Variants in RAB6B observed in about 807,000 individuals in gnomAD.
The protein encoded by RAB6B is ras-related protein Rab-6B.
A neutral mutation model predicts 31.2 loss-of-function variants in RAB6B; 7 were observed. That is an observed-to-expected ratio of 0.22 (90% CI 0.13 to 0.42). The LOEUF (loss-of-function observed/expected upper bound fraction) is 0.42, where lower values mean the gene tolerates loss of function less well. Ranked by LOEUF, RAB6B falls within the 10% of genes least tolerant of loss-of-function variation. The probability of loss-of-function intolerance (pLI) is 1.00; values close to 1 mark genes in which losing one functional copy is unlikely to be tolerated. For synonymous variants in RAB6B, 105 were observed against 104.9 expected, an observed-to-expected ratio of 1.00 and a Z score of -0.01; for missense variants, 149 against 280.6, an observed-to-expected ratio of 0.53 and a Z score of 3.35.
chr3:133,842,737 T>C (rs77482124), intron 2 of RAB6B, among the ~76,000 whole-genome samples: 1 of 152,344 alleles, frequency 6.6e-6, no homozygotes, highest in African/African-American at 2.4e-5. Flanking sequence ...GACACTGAAG[T>C]GAAGGGAATC....
intron 7 of RAB6B, among the ~76,000 whole-genome samples, chr3:133,834,172 A>T (rs1935697179): frequency 6.6e-6 from 1 of 151,510 alleles, no homozygotes; most frequent in Admixed American, 6.6e-5. Context: ...TGAAGGGGGG[A>T]GCTGTCTTGA....
At position 133,826,297 on chromosome 3, in the gene RAB6B, T is replaced by C. The variant is rs1198249884; in HGVS notation, c.*2491A>G. Reference sequence around the variant, plus strand: ...GCCATGTCAAACCAAATGCTATCTTTTACTGCTCCTCTAGGCCAGGATGGA... The same window carrying C: ...GCCATGTCAAACCAAATGCTATCTTCTACTGCTCCTCTAGGCCAGGATGGA... On this transcript the variant is annotated 3_prime_UTR_variant, in exon 8 of 8. Coordinates refer to ENST00000285208, the MANE Select transcript of RAB6B (RefSeq NM_016577.4). The C allele has an allele frequency of 6.6e-6, 1 of 152,240 alleles. No homozygotes were observed. The highest frequency in any genetic ancestry group is 1.5e-5 in the Non-Finnish European group (1 of 68,072). 9.4% of individuals were successfully genotyped at this position (152,240 alleles called of 1,614,324 possible).
intron 1 of RAB6B, among the ~76,000 whole-genome samples, chr3:133,890,948 G>T (rs1936629540): frequency 6.6e-6 from 1 of 152,258 alleles, no homozygotes; most frequent in African/African-American, 2.4e-5. Context: ...CTATGCCATG[G>T]TGTGTGGCCA....
intron 4 of RAB6B, among the ~76,000 whole-genome samples, chr3:133,840,709 C>T (rs567013600): frequency 2.0e-5 from 3 of 152,142 alleles, no homozygotes; most frequent in Non-Finnish European, 4.4e-5. Flanking sequence ...CTCGGCCCCC[C>T]ACCCCCACCT....
intron 2 of RAB6B, among the ~76,000 whole-genome samples, chr3:133,844,858 C>T (rs1056671022): frequency 2.6e-5 from 4 of 151,692 alleles, no homozygotes; most frequent in Non-Finnish European, 5.9e-5. Flanking sequence ...GGAAGAATCG[C>T]TTGAGGCTGG....
chr3:133,841,232 G>A, intron 4 of RAB6B, 53 bp downstream of exon 4: 23 of 1,554,886 alleles, frequency 1.5e-5, no homozygotes, highest in Non-Finnish European at 2.0e-5. Context: ...GGTCACACCT[G>A]GGCCCTGGAC....
chr3:133,889,439 TA>T (rs1936606003), intron 1 of RAB6B, among the ~76,000 whole-genome samples: 18 of 93,108 alleles, frequency 1.9e-4, no homozygotes, highest in African/African-American at 5.7e-4. Context: ...TATATATATA[TA>T]TATATTTATT....
At chr3:133,851,261 G>GTTTGTTTGTTTTAGATAAA (rs1935980216) in intron 2 of RAB6B, among the ~76,000 whole-genome samples, 1 of 152,218 alleles carries the variant, frequency 6.6e-6, no homozygotes, top group Admixed American at 6.5e-5. Flanking sequence ...ATGGGTCAAT[G>GTTTGTTTGTTTTAGATAAA]CAGGACATTG....
At position 133,891,476 on chromosome 3, in the gene RAB6B, G is replaced by A. The variant is rs566592659; in HGVS notation, c.70+3921C>T. On this transcript the variant is annotated intron_variant, in intron 1 of 7. Coordinates refer to ENST00000285208, the MANE Select transcript of RAB6B (RefSeq NM_016577.4). ...CCTACGGAAGCTGCCTCTGACACCA[G>A]CCCCCAGAGGCGGGTCAGGCGCCCC... Among the ~76,000 whole-genome samples, 5 of 152,288 alleles carry A rather than the reference G, an allele frequency of 3.3e-5. No homozygotes were observed. In the East Asian group the frequency reaches 9.6e-4, roughly 29 times the overall value.
intron 3 of RAB6B, 22 bp from the exon 4 acceptor site, chr3:133,841,412 C>T (rs1935828062): frequency 6.2e-7 from 1 of 1,613,212 alleles, no homozygotes; most frequent in Non-Finnish European, 8.5e-7. Context: ...AGGGCAGGAC[C>T]ATGGGCAGAG....
chr3:133,889,528 G>A (rs192449396), intron 1 of RAB6B, among the ~76,000 whole-genome samples: 212 of 150,402 alleles, frequency 1.4e-3, no homozygotes, highest in African/African-American at 5.1e-3. Flanking sequence ...TCCGCCTCCC[G>A]GGTTCAAGCG....
intron 1 of RAB6B, among the ~76,000 whole-genome samples, chr3:133,870,528 C>A (rs1320305489): frequency 6.6e-6 from 1 of 152,118 alleles, no homozygotes; most frequent in Admixed American, 6.5e-5. Flanking sequence ...GGGTACAGGA[C>A]CAGTGACTGG....
chr3:133,852,013 A>C (rs1237913947), intron 2 of RAB6B, among the ~76,000 whole-genome samples: 2 of 117,198 alleles, frequency 1.7e-5, no homozygotes, highest in Admixed American at 1.7e-4. Context: ...GGAGAGCCAC[A>C]AAGTTAGATC....
At chr3:133,831,667 T>C (rs996465504) in intron 7 of RAB6B, among the ~76,000 whole-genome samples, 1 of 152,164 alleles carries the variant, frequency 6.6e-6, no homozygotes, top group African/African-American at 2.4e-5. Context: ...GTCTAAATAA[T>C]GTCCCAGAAG....
At chr3:133,836,473 T>G (rs1292582030) in intron 6 of RAB6B, among the ~76,000 whole-genome samples, 1 of 151,934 alleles carries the variant, frequency 6.6e-6, no homozygotes, top group Non-Finnish European at 1.5e-5. Context: ...TCCAGGAGTC[T>G]GCACTGCATG....
In RAB6B at chr3:133,834,628, A is replaced by G. The variant is rs141807334; in HGVS notation, c.509T>C (p.Val170Ala). 6.2e-7 allele frequency: 1 copy of G among 1,614,104 alleles called. No individual in the cohort carries two copies. Among genetic ancestry groups the G allele is most frequent in the Non-Finnish European group, 8.5e-7 (1 of 1,179,976 alleles). Residue 170 changes from valine to alanine, a missense_variant, in exon 7 of 8, where the codon GTG becomes GCG. Around this residue, in one of 2 missense-constraint regions of RAB6B, gnomAD observed 74 missense variants for 100.5 expected, o/e 0.74. Transcript: ENST00000285208. ...GYNVKQLFRRVASALPGMENV... is the reference protein window; with the variant it reads ...GYNVKQLFRRAASALPGMENV... ...CTCCATTCCGGGTAGAGCCGACGCCACACGTCGAAAAAGCTGGAAAGATGA... is the reference window on the plus strand; with the variant it reads ...CTCCATTCCGGGTAGAGCCGACGCCGCACGTCGAAAAAGCTGGAAAGATGA...
At chr3:133,867,638 C>G (rs1936255820) in intron 1 of RAB6B, among the ~76,000 whole-genome samples, 1 of 152,182 alleles carries the variant, frequency 6.6e-6, no homozygotes, top group Non-Finnish European at 1.5e-5. Context: ...CAGGGAACAG[C>G]CCGTCCCAGG....
At chr3:133,872,416 C>A (rs1936338915) in intron 1 of RAB6B, among the ~76,000 whole-genome samples, 1 of 152,272 alleles carries the variant, frequency 6.6e-6, no homozygotes. Flanking sequence ...CCTGTAACCT[C>A]TGCTCATAGT....
chr3:133,853,760 A>G (rs1936035642), intron 2 of RAB6B, among the ~76,000 whole-genome samples: 1 of 152,168 alleles, frequency 6.6e-6, no homozygotes, highest in African/African-American at 2.4e-5. Context: ...AATACATGAA[A>G]AGTCACAGCT....
Sources: allele counts gnomAD v4.1 joint callset (sites outside exome capture counted in the v4.1 genomes callset), GRCh38; gene constraint gnomAD v4.1.1; regional missense constraint gnomAD v4.1.1; transcripts MANE v1.5; gene names NCBI Gene and HGNC (gene_info 2026-07-23, HGNC 2026-07-21).